The following HCN1 variants were observed in gnomAD, a reference collection of about 807,000 sequenced individuals.
HCN1 encodes the protein hyperpolarization activated cyclic nucleotide gated potassium channel 1, also known as potassium/sodium hyperpolarization-activated cyclic nucleotide-gated channel 1.
Under a neutral mutation model 78.9 loss-of-function variants are expected in HCN1, and 13 were observed. The ratio of observed to expected loss-of-function variants is 0.16; its 90% CI spans 0.11 to 0.26. HCN1 has a LOEUF of 0.26. Among genes scored for constraint, HCN1 ranks in the 10% least tolerant of loss-of-function variants. The probability of loss-of-function intolerance (pLI) is 1.00; values close to 1 mark genes in which losing one functional copy is unlikely to be tolerated. For missense variants in HCN1, 810 were observed against 1,154.3 expected (o/e 0.70, Z 4.32); for synonymous variants, 552 against 455.5 (o/e 1.21, Z -2.70).
chr5:45,587,047 C>T (rs1331698636), intron 2 of HCN1, among the ~76,000 whole-genome samples: 1 of 152,098 alleles, frequency 6.6e-6, no homozygotes, highest in African/African-American at 2.4e-5. Context: ...AGTCAGGAAA[C>T]AACAGGTGCT....
At chr5:45,534,330 A>T (rs2111810163) in intron 2 of HCN1, among the ~76,000 whole-genome samples, 1 of 138,662 alleles carries the variant, frequency 7.2e-6, no homozygotes, top group East Asian at 2.4e-4. Flanking sequence ...ACGGAGGCAG[A>T]GGTTGCAATG....
intron 3 of HCN1, among the ~76,000 whole-genome samples, chr5:45,424,116 A>C (rs1227905170): frequency 8.1e-6 from 1 of 123,878 alleles, no homozygotes; most frequent in Admixed American, 7.9e-5. Flanking sequence ...TCTACTAAAA[A>C]TCCAAAAAAA....
At chr5:45,266,980 A>T in intron 7 of HCN1, 109 bp downstream of exon 7, 1 of 941,042 alleles carries the variant, frequency 1.1e-6, no homozygotes, top group South Asian at 1.3e-5. Context: ...AAGTGATGGG[A>T]TTACAGGCAT....
At chr5:45,611,213 CCTAA>C (rs1340941425) in intron 2 of HCN1, among the ~76,000 whole-genome samples, 2 of 150,098 alleles carry the variant, frequency 1.3e-5, no homozygotes, top group Non-Finnish European at 3.0e-5. Flanking sequence ...ACCACACCTG[CCTAA>C]CTTTTTGTAT....
At chr5:45,611,269 C>CTTTTTTTTTTTTTTTTTTTTTTTTTT (rs1054830050) in intron 2 of HCN1, among the ~76,000 whole-genome samples, 1 of 113,732 alleles carries the variant, frequency 8.8e-6, no homozygotes, top group Non-Finnish European at 1.9e-5. Context: ...TTATCTTTTT[C>CTTTTTTTTTTTTTTTTTTTTTTTTTT]TTTTTTTTTT....
chr5:45,661,385 A>G lies in HCN1; in HGVS notation c.426-15777T>C, dbSNP rs930992553. On this transcript the variant is annotated intron_variant, in intron 1 of 7. Transcript: ENST00000303230. ...CCAAAATCGACACCCTAACATCACA[A>G]TTAAAAGAACTAGAAAAGCAAGAGC... 8.6e-5 allele frequency among the ~76,000 whole-genome samples: 13 copies of G among 151,086 alleles called. No individual in the cohort carries two copies. The East Asian group carries it at 2.0e-3, about 23-fold the overall frequency.
At chr5:45,535,269 T>C (rs1742941557) in intron 2 of HCN1, among the ~76,000 whole-genome samples, 1 of 152,140 alleles carries the variant, frequency 6.6e-6, no homozygotes, top group Non-Finnish European at 1.5e-5. Flanking sequence ...CGTCTTAATA[T>C]ATTATTTGAT....
At chr5:45,678,276 G>A (rs7722380) in intron 1 of HCN1, among the ~76,000 whole-genome samples, 84 of 151,682 alleles carry the variant, frequency 5.5e-4, no homozygotes, top group Non-Finnish European at 1.0e-3. Flanking sequence ...ATAGTTAATG[G>A]AGGAATTTCT....
intron 2 of HCN1, among the ~76,000 whole-genome samples, chr5:45,593,296 TC>T: frequency 1.0e-5 from 1 of 97,206 alleles, no homozygotes; most frequent in Non-Finnish European, 2.2e-5. Context: ...GTATATTCTC[TC>T]TCTCTCTCTC....
chr5:45,459,617 A>C (rs1741103263), intron 3 of HCN1, among the ~76,000 whole-genome samples: 1 of 152,184 alleles, frequency 6.6e-6, no homozygotes, highest in South Asian at 2.1e-4. Context: ...GTTTATCATC[A>C]GATATATTAA....
chr5:45,617,529 A>G (rs1744978964), intron 2 of HCN1: 1 of 152,118 alleles, frequency 6.6e-6, no homozygotes, highest in African/African-American at 2.4e-5. Flanking sequence ...TGCTATTTCC[A>G]TTCATATTCC....
At chr5:45,505,680 A>C (rs1561181245) in intron 2 of HCN1, among the ~76,000 whole-genome samples, 2 of 152,206 alleles carry the variant, frequency 1.3e-5, no homozygotes, top group Admixed American at 1.3e-4. Flanking sequence ...ATATATATTT[A>C]GTTAAAAAAT....
At chr5:45,557,048 A>G (rs1406185731) in intron 2 of HCN1, among the ~76,000 whole-genome samples, 2 of 151,956 alleles carry the variant, frequency 1.3e-5, no homozygotes, top group African/African-American at 2.4e-5. Context: ...AATCTGTCTC[A>G]CTTCTCTTTT....
chr5:45,345,167 C>T (rs542458756), intron 5 of HCN1, among the ~76,000 whole-genome samples: 31 of 152,288 alleles, frequency 2.0e-4, no homozygotes, highest in African/African-American at 7.5e-4. Flanking sequence ...TGAGCTGTAC[C>T]TTGGCCCCTT....
rs952495452 is a variant in HCN1 at position 45,255,314 on chromosome 5, T to C, written c.*6607A>G. On this transcript the variant is annotated 3_prime_UTR_variant, in exon 8 of 8. Transcript: ENST00000303230. ...TATGTTGACTTGTCATCTCCAGAAATGTCTTCACACTTGGAAGTTCCCTTA... is the reference window on the plus strand; with the variant it reads ...TATGTTGACTTGTCATCTCCAGAAACGTCTTCACACTTGGAAGTTCCCTTA... 22 of 152,202 alleles carry C rather than the reference T, an allele frequency of 1.4e-4. No individual in the cohort carries two copies. The highest frequency in any genetic ancestry group is 3.9e-4 in the Admixed American group (6 of 15,280). 9.4% of individuals were successfully genotyped at this position (152,202 alleles called of 1,614,324 possible).
intron 2 of HCN1, among the ~76,000 whole-genome samples, chr5:45,484,296 G>A (rs867626937): frequency 5.3e-5 from 8 of 152,038 alleles, no homozygotes; most frequent in African/African-American, 1.2e-4. Context: ...TTAGCCAGGC[G>A]TGGTGATAGG....
At chr5:45,634,157 A>G (rs1745318333) in intron 2 of HCN1, among the ~76,000 whole-genome samples, 1 of 151,940 alleles carries the variant, frequency 6.6e-6, no homozygotes, top group Admixed American at 6.6e-5. Context: ...ATCTAAACTT[A>G]TCACATTCTA....
intron 2 of HCN1, among the ~76,000 whole-genome samples, chr5:45,611,250 C>CT (rs1250521661): frequency 5.4e-4 from 60 of 110,456 alleles, no homozygotes; most frequent in African/African-American, 1.2e-3. Flanking sequence ...TGAGATTTTT[C>CT]TTTTTTTTTT....
intron 5 of HCN1, among the ~76,000 whole-genome samples, chr5:45,344,419 C>G (rs1746653877): frequency 6.6e-6 from 1 of 152,106 alleles, no homozygotes; most frequent in Non-Finnish European, 1.5e-5. Context: ...CCCCCAAAGT[C>G]TTAATTCATT....
Sources: allele counts gnomAD v4.1 joint callset (sites outside exome capture counted in the v4.1 genomes callset), GRCh38; gene constraint gnomAD v4.1.1; transcripts MANE v1.5; gene names NCBI Gene and HGNC (gene_info 2026-07-23, HGNC 2026-07-21).